TDRD5: variants seen among roughly 807,000 people sequenced by gnomAD.
TDRD5 encodes tudor domain containing 5.
Under a neutral mutation model 120.6 loss-of-function variants are expected in TDRD5, and 41 were observed. That is an observed-to-expected ratio of 0.34 (90% CI 0.26 to 0.44). The LOEUF is 0.44. TDRD5 is among the 20% of genes least tolerant of loss of function. The pLI is 1.00. For synonymous variants in TDRD5, 430 were observed against 433.7 expected, an observed-to-expected ratio of 0.99 and a Z score of 0.11; for missense variants, 1,006 against 1,221.2, an observed-to-expected ratio of 0.82 and a Z score of 2.63.
At chr1:179,594,431 A>G (rs1361619848) in intron 3 of TDRD5, among the ~76,000 whole-genome samples, 4 of 152,218 alleles carry the variant, frequency 2.6e-5, no homozygotes, top group African/African-American at 9.6e-5. Flanking sequence ...GATCAAAGCT[A>G]AGGAAAATTA....
chr1:179,637,092 CAAT>C (rs759184751), intron 9 of TDRD5, among the ~76,000 whole-genome samples: 13 of 152,176 alleles, frequency 8.5e-5, no homozygotes, highest in South Asian at 2.1e-4. Flanking sequence ...TCATGAACAA[CAAT>C]GTCTGATTTA....
chr1:179,683,987 T>C (rs1450808670), intron 17 of TDRD5, among the ~76,000 whole-genome samples: 1 of 152,188 alleles, frequency 6.6e-6, no homozygotes, highest in African/African-American at 2.4e-5. Context: ...GCATCGCATT[T>C]CCAGTCATTT....
intron 4 of TDRD5, among the ~76,000 whole-genome samples, chr1:179,605,061 A>G (rs1347925055): frequency 6.6e-6 from 1 of 152,110 alleles, no homozygotes; most frequent in Non-Finnish European, 1.5e-5. Context: ...CTCCAGTGTT[A>G]GGTGCATATA....
intron 6 of TDRD5, among the ~76,000 whole-genome samples, chr1:179,627,635 A>G (rs1677201404): frequency 6.6e-6 from 1 of 152,208 alleles, no homozygotes; most frequent in South Asian, 2.1e-4. Context: ...CTAGGTTCAC[A>G]TTAGAGCTTA....
chr1:179,614,517 T>C (rs992384884), intron 4 of TDRD5, among the ~76,000 whole-genome samples: 3 of 152,270 alleles, frequency 2.0e-5, no homozygotes, highest in Admixed American at 6.5e-5. Context: ...AGAGCCATCA[T>C]TGATTGAAAG....
chr1:179,615,776 CTT>C (rs11318606), intron 4 of TDRD5, among the ~76,000 whole-genome samples: 9 of 147,142 alleles, frequency 6.1e-5, no homozygotes, highest in Non-Finnish European at 6.0e-5. Context: ...TTGAGGTAAA[CTT>C]TTTTTTTTTT....
At chr1:179,624,129 A>G (rs1251430417) in intron 6 of TDRD5, among the ~76,000 whole-genome samples, 1 of 152,216 alleles carries the variant, frequency 6.6e-6, no homozygotes, top group African/African-American at 2.4e-5. Flanking sequence ...TAACATTTCA[A>G]AAGGAATTAA....
intron 17 of TDRD5, among the ~76,000 whole-genome samples, chr1:179,670,207 T>A (rs1390370772): frequency 6.6e-6 from 1 of 152,028 alleles, no homozygotes; most frequent in Non-Finnish European, 1.5e-5. Flanking sequence ...CTGGCCAAGA[T>A]GATGAAACCC....
intron 14 of TDRD5, among the ~76,000 whole-genome samples, chr1:179,660,430 C>T (rs1679251286): frequency 6.6e-6 from 1 of 151,646 alleles, no homozygotes; most frequent in South Asian, 2.1e-4. Context: ...CCGTGTTATC[C>T]AGGATGGTCT....
chr1:179,634,340 C>A, intron 7 of TDRD5, 117 bp from the exon 8 acceptor site: 1 of 1,015,264 alleles, frequency 9.8e-7, no homozygotes, highest in Non-Finnish European at 1.4e-6. Flanking sequence ...CTTTCTAGCA[C>A]CTGGTGTGTT....
At chr1:179,595,383 T>C (rs1675335156) in intron 3 of TDRD5, among the ~76,000 whole-genome samples, 1 of 152,164 alleles carries the variant, frequency 6.6e-6, no homozygotes, top group African/African-American at 2.4e-5. Flanking sequence ...TGACCTTAAG[T>C]GGACTTTTAG....
chr1:179,635,207 G>C (rs745726196), intron 8 of TDRD5, among the ~76,000 whole-genome samples: 1 of 152,172 alleles, frequency 6.6e-6, no homozygotes, highest in Non-Finnish European at 1.5e-5. Flanking sequence ...AAGGCCTAGA[G>C]GAAAACAGTA....
At chr1:179,605,132 C>T (rs1572335630) in intron 4 of TDRD5, among the ~76,000 whole-genome samples, 3 of 152,292 alleles carry the variant, frequency 2.0e-5, no homozygotes, top group South Asian at 4.1e-4. Flanking sequence ...TAATGTCCCT[C>T]TTTGTCTCTT....
rs183795808 is a variant in TDRD5 at position 179,644,331 on chromosome 1, G to T, written c.1800+3886G>T. Among the ~76,000 whole-genome samples, 680 of 152,224 alleles carry T rather than the reference G, an allele frequency of 4.5e-3. 2 individuals carry two copies. Among genetic ancestry groups the T allele is most frequent in the Non-Finnish European group, 6.8e-3 (459 of 67,984 alleles). ...CAAAACTAAATTGGTAATACTGTAT[G>T]TTGGAGTTTATAGCATATGTTGATG... On this transcript the variant is annotated intron_variant, in intron 11 of 17. Transcript: ENST00000444136.
At chr1:179,669,841 G>T (rs574392870) in intron 17 of TDRD5, among the ~76,000 whole-genome samples, 1 of 152,154 alleles carries the variant, frequency 6.6e-6, no homozygotes, top group Non-Finnish European at 1.5e-5. Flanking sequence ...ATGGAATTAT[G>T]TGTAGTTTTT....
At chr1:179,605,069 A>G (rs1675902207) in intron 4 of TDRD5, among the ~76,000 whole-genome samples, 1 of 152,042 alleles carries the variant, frequency 6.6e-6, no homozygotes, top group African/African-American at 2.4e-5. Context: ...TTAGGTGCAT[A>G]TATGTTTAGG....
Position 179,630,237 on chromosome 1 carries a change from T to C in TDRD5, c.973-530T>C, listed in dbSNP as rs1264605374. Among the ~76,000 whole-genome samples, 3 of 152,198 alleles carry C rather than the reference T, an allele frequency of 2.0e-5. No individual in the cohort carries two copies. The East Asian group carries it at 5.8e-4, about 29-fold the overall frequency. ...TGGTTTCGATCTCCTGATGTCGTGA[T>C]CCACCTGCCTCGGCCTCCCAAAGTG... On this transcript the variant is annotated intron_variant, in intron 6 of 17. Coordinates refer to ENST00000444136, the MANE Select transcript of TDRD5 (RefSeq NM_001199085.3).
intron 14 of TDRD5, among the ~76,000 whole-genome samples, chr1:179,655,150 G>A (rs996638227): frequency 6.6e-6 from 1 of 151,990 alleles, no homozygotes; most frequent in Non-Finnish European, 1.5e-5. Context: ...ACATCCTCAT[G>A]TTGTTATTTG....
At chr1:179,620,989 C>A in intron 5 of TDRD5, 46 bp from the exon 6 acceptor site, 1 of 1,396,810 alleles carries the variant, frequency 7.2e-7, no homozygotes, top group South Asian at 1.3e-5. Flanking sequence ...TTGTGTCACT[C>A]AGCATTTCAG....
Sources: gnomAD v4.1 joint callset for allele counts (sites outside exome capture counted in the v4.1 genomes callset) on GRCh38, gnomAD v4.1.1 for gene constraint, MANE v1.5 for transcripts, NCBI Gene and HGNC (gene_info 2026-07-23, HGNC 2026-07-21) for gene names.